RHPN2: variants seen among roughly 807,000 people sequenced by gnomAD.
RHPN2 encodes rhophilin Rho GTPase binding protein 2, also known as rhophilin-2.
In RHPN2, 40 loss-of-function variants were observed where a neutral mutation model predicts 79.0. The ratio of observed to expected loss-of-function variants is 0.51; its 90% CI spans 0.39 to 0.66. The LOEUF (loss-of-function observed/expected upper bound fraction) is 0.66, where lower values mean the gene tolerates loss of function less well. Among genes scored for constraint, RHPN2 ranks in the 30% least tolerant of loss-of-function variants. The pLI is 0.00. For synonymous variants in RHPN2, 285 were observed against 363.5 expected, an observed-to-expected ratio of 0.78 and a Z score of 2.46; for missense variants, 686 against 883.5, an observed-to-expected ratio of 0.78 and a Z score of 2.83.
At position 32,995,908 on chromosome 19, in the gene RHPN2, T is replaced by G. The variant is rs979409947; in HGVS notation, c.1420+118A>C. 2.5e-4 allele frequency: 236 copies of G among 944,056 alleles called. 1 individual carries two copies. The highest frequency in any genetic ancestry group is 2.4e-4 in the Non-Finnish European group (144 of 588,362). 58.5% of individuals were successfully genotyped at this position (944,056 alleles called of 1,614,324 possible). On this transcript the variant is annotated intron_variant, in intron 11 of 14. Coordinates refer to ENST00000254260, the MANE Select transcript of RHPN2 (RefSeq NM_033103.5). ...AAAAGCAGCACCTCAGTCCCTACCCTGTGCAGCTCTCCTTGTGCCAAGCAC... is the reference window on the plus strand; with the variant it reads ...AAAAGCAGCACCTCAGTCCCTACCCGGTGCAGCTCTCCTTGTGCCAAGCAC...
intron 1 of RHPN2, among the ~76,000 whole-genome samples, chr19:33,050,544 A>G (rs554604508): frequency 1.4e-4 from 22 of 152,304 alleles, no homozygotes; most frequent in African/African-American, 4.6e-4. Context: ...TCTGATTTCT[A>G]TCACCACATA....
At chr19:33,053,701 G>A (rs1280477455) in intron 1 of RHPN2, among the ~76,000 whole-genome samples, 8 of 151,926 alleles carry the variant, frequency 5.3e-5, no homozygotes, top group African/African-American at 1.7e-4. Context: ...GATTACAGGC[G>A]TGAGCCACTG....
intron 2 of RHPN2, among the ~76,000 whole-genome samples, chr19:33,040,983 G>T (rs1336075699): frequency 6.6e-6 from 1 of 152,024 alleles, no homozygotes; most frequent in Non-Finnish European, 1.5e-5. Flanking sequence ...CCTGAAAAAA[G>T]TGCATTTGAA....
chr19:33,064,839 A>G lies in RHPN2; in HGVS notation c.14T>C (p.Leu5Pro). Reference protein sequence around the residue: MTDALLPAAPQPLEK... With the variant: MTDAPLPAAPQPLEK... ...CAGCGGCTGGGGGGCCGCGGGCAAC[A>G]GCGCGTCGGTCATGCTAGCGGCGCG... Residue 5 changes from leucine (L) to proline (P), a missense_variant, in exon 1 of 15, where the codon CTG becomes CCG. Physicochemically the swap from Leu to Pro is moderately conservative, Grantham distance 98 (BLOSUM62 -3). Transcript: ENST00000254260. The G allele has an allele frequency of 7.2e-7, 1 of 1,393,256 alleles. No homozygotes were observed. Among genetic ancestry groups the G allele is most frequent in the South Asian group, 1.2e-5 (1 of 80,588 alleles). The allele number at this position is 1,393,256 out of a possible 1,614,324, so 86.3% of individuals were successfully genotyped here. A position where few individuals can be genotyped will look rare whatever the true frequency, so the allele number is the denominator to read the frequency against.
intron 1 of RHPN2, among the ~76,000 whole-genome samples, chr19:33,061,954 C>T (rs866213787): frequency 2.0e-5 from 3 of 152,148 alleles, no homozygotes; most frequent in Non-Finnish European, 4.4e-5. Flanking sequence ...AGGTATGAGC[C>T]ACCACACCCG....
intron 7 of RHPN2, 118 bp downstream of exon 7, chr19:33,007,896 G>A (rs1971804946): frequency 1.8e-6 from 2 of 1,119,528 alleles, no homozygotes; most frequent in South Asian, 1.4e-5. Context: ...TTACACCAGA[G>A]CTGGAGACTG....
At chr19:32,997,836 G>C (rs973539336) in intron 10 of RHPN2, among the ~76,000 whole-genome samples, 17 of 152,200 alleles carry the variant, frequency 1.1e-4, no homozygotes, top group Non-Finnish European at 5.9e-5. Context: ...AGCCCTGATT[G>C]ATGTGAAAGA....
chr19:33,005,487 G>A (rs1971782867), intron 7 of RHPN2, among the ~76,000 whole-genome samples: 2 of 148,014 alleles, frequency 1.4e-5, no homozygotes, highest in South Asian at 4.3e-4. Flanking sequence ...GCCTTCCTCT[G>A]ACTTCTTTGT....
intron 2 of RHPN2, among the ~76,000 whole-genome samples, chr19:33,040,231 C>CTTT (rs1007486362): frequency 0.026 from 2,494 of 97,730 alleles, 188 homozygotes; most frequent in African/African-American, 0.1. Flanking sequence ...GGCAACCTGC[C>CTTT]TTTTTTTTTT....
chr19:33,042,876 C>T (rs1246630333), intron 2 of RHPN2, among the ~76,000 whole-genome samples: 12 of 152,036 alleles, frequency 7.9e-5, no homozygotes, highest in Non-Finnish European at 7.4e-5. Context: ...GTCAGGAGTT[C>T]GAGACCAGCC....
chr19:33,063,033 T>C (rs1322512514), intron 1 of RHPN2, among the ~76,000 whole-genome samples: 1 of 151,886 alleles, frequency 6.6e-6, no homozygotes, highest in Non-Finnish European at 1.5e-5. Flanking sequence ...CAGAGAACAA[T>C]CTGGGGAGGA....
chr19:33,039,515 C>A (rs111235455), intron 2 of RHPN2, among the ~76,000 whole-genome samples: 3,541 of 152,128 alleles, frequency 0.023, 130 homozygotes, highest in African/African-American at 0.081. Context: ...TTACTATCCC[C>A]CCTCTGAAAC....
At position 32,991,867 on chromosome 19, in the gene RHPN2, C is replaced by T. The variant is rs753950362; in HGVS notation, c.1600G>A (p.Ala534Thr). 16 of 1,613,816 alleles carry T rather than the reference C, an allele frequency of 9.9e-6. No individual in the cohort carries two copies. The highest frequency in any genetic ancestry group is 1.3e-5 in the Non-Finnish European group (15 of 1,179,868). ...GDLGFTLRGNAPVQVHFLDPY... is the reference protein window; with the variant it reads ...GDLGFTLRGNTPVQVHFLDPY... ...TCCAGGAAGTGAACCTGAACGGGGG[C>T]GTTCCCTCTCAAGGTGAACCCCAAG... Residue 534 changes from alanine (A) to threonine (T), a missense_variant, in exon 13 of 15, where the codon GCC (alanine) becomes ACC (threonine). Transcript: ENST00000254260.
chr19:33,052,840 CAG>C (rs1192516998), intron 1 of RHPN2, among the ~76,000 whole-genome samples: 1 of 152,184 alleles, frequency 6.6e-6, no homozygotes, highest in Non-Finnish European at 1.5e-5. Flanking sequence ...TCCATTCACA[CAG>C]GGGTGGAGGG....
At chr19:32,990,104 CAA>C (rs575934123) in intron 14 of RHPN2, among the ~76,000 whole-genome samples, 1 of 99,564 alleles carries the variant, frequency 1.0e-5, no homozygotes. Flanking sequence ...GACTCCGTCT[CAA>C]AAAAAAAATA....
At chr19:33,057,675 CAAA>C (rs1387288106) in intron 1 of RHPN2, among the ~76,000 whole-genome samples, 1 of 68,596 alleles carries the variant, frequency 1.5e-5, no homozygotes, top group African/African-American at 6.5e-5. Context: ...AACTCCATCT[CAAA>C]AAAAAAAAAA....
Position 33,008,167 on chromosome 19 carries a change from TGA to T in RHPN2, c.605_606del (p.Leu202HisfsTer33). On this transcript the variant is annotated frameshift_variant, in exon 7 of 15. Coordinates refer to ENST00000254260, the MANE Select transcript of RHPN2 (RefSeq NM_033103.5). LOFTEE classifies it high-confidence loss of function. The part of the protein sequence containing the change: ...MGLLFTWYDS[L>X]TGVPVSQQNL... ...TTCTGCTGGCTGACCGGAACCCCGG[TGA>T]GAGAGTCATACCTATGTGAAAGAAA... 1 of 1,613,870 alleles carries T rather than the reference TGA, an allele frequency of 6.2e-7. No individual in the cohort carries two copies. The highest frequency in any genetic ancestry group is 8.5e-7 in the Non-Finnish European group (1 of 1,179,970).
intron 10 of RHPN2, among the ~76,000 whole-genome samples, chr19:32,997,087 A>G (rs1477243018): frequency 6.6e-6 from 1 of 152,032 alleles, no homozygotes; most frequent in Non-Finnish European, 1.5e-5. Flanking sequence ...TCATCATTTC[A>G]TTATCATTGC....
intron 1 of RHPN2, among the ~76,000 whole-genome samples, chr19:33,046,991 G>A (rs941046091): frequency 6.6e-6 from 1 of 151,998 alleles, no homozygotes; most frequent in African/African-American, 2.4e-5. Flanking sequence ...CTGAGCAGCT[G>A]GGACTACAGG....
Sources: allele counts gnomAD v4.1 joint callset (sites outside exome capture counted in the v4.1 genomes callset), GRCh38; gene constraint gnomAD v4.1.1; transcripts MANE v1.5; gene names NCBI Gene and HGNC (gene_info 2026-07-23, HGNC 2026-07-21).